The following MAP3K5 variants were observed in gnomAD, a reference collection of about 807,000 sequenced individuals.
MAP3K5 encodes the protein ASK-1.
Under a neutral mutation model 158.7 loss-of-function variants are expected in MAP3K5, and 56 were observed. The ratio of observed to expected loss-of-function variants is 0.35; its 90% confidence interval spans 0.28 to 0.44. The LOEUF (loss-of-function observed/expected upper bound fraction) is 0.44, where lower values mean the gene tolerates loss of function less well. Ranked by LOEUF, MAP3K5 falls within the 20% of genes least tolerant of loss-of-function variation. MAP3K5 has a pLI of 1.00. For synonymous variants in MAP3K5, 579 were observed against 601.7 expected, an observed-to-expected ratio of 0.96 and a Z score of 0.55; for missense variants, 1,294 against 1,674.8, an observed-to-expected ratio of 0.77 and a Z score of 3.97.
intron 14 of MAP3K5, among the ~76,000 whole-genome samples, chr6:136,634,194 C>T (rs1321919054): frequency 1.3e-5 from 2 of 151,964 alleles, no homozygotes; most frequent in East Asian, 3.9e-4. Flanking sequence ...AGAAATGTAA[C>T]CAAATATATA....
intron 1 of MAP3K5, among the ~76,000 whole-genome samples, chr6:136,744,372 C>T (rs1214485136): frequency 1.4e-5 from 2 of 147,404 alleles, no homozygotes; most frequent in African/African-American, 2.7e-5. Flanking sequence ...TGTGTACATA[C>T]ATATATACAT....
At chr6:136,608,578 C>T (rs568808083) in intron 18 of MAP3K5, among the ~76,000 whole-genome samples, 7 of 152,150 alleles carry the variant, frequency 4.6e-5, no homozygotes, top group Middle Eastern at 3.4e-3. Flanking sequence ...AAGAGTGTGC[C>T]GGGGACAGGT....
chr6:136,698,418 T>A, intron 4 of MAP3K5, 71 bp downstream of exon 4: 2 of 1,325,072 alleles, frequency 1.5e-6, no homozygotes, highest in Non-Finnish European at 2.1e-6. Context: ...GCACCTGATA[T>A]CATGCACAAA....
chr6:136,713,446 T>C (rs958020205), intron 2 of MAP3K5, among the ~76,000 whole-genome samples: 5 of 152,236 alleles, frequency 3.3e-5, no homozygotes, highest in African/African-American at 1.2e-4. Flanking sequence ...CTATTGCTAA[T>C]TGACATCCAA....
chr6:136,592,749 G>C (rs769202472), intron 21 of MAP3K5, 135 bp from the exon 22 acceptor site: 12 of 818,980 alleles, frequency 1.5e-5, no homozygotes, highest in Non-Finnish European at 2.5e-5. Flanking sequence ...GCTATGTAAG[G>C]GAACGGTCAT....
chr6:136,791,511 TACACACAGACTCTTGCACAAGC>T (rs1309808470), intron 1 of MAP3K5, among the ~76,000 whole-genome samples, 177 bp downstream of exon 1: 1 of 152,066 alleles, frequency 6.6e-6, no homozygotes, highest in Non-Finnish European at 1.5e-5. Context: ...ATCGCACAAG[TACACACAGACTCTTGCACAAGC>T]ACACACGCTC....
chr6:136,734,836 T>C (rs9784774), intron 1 of MAP3K5, among the ~76,000 whole-genome samples: 11,968 of 152,292 alleles, frequency 0.079, 1,565 homozygotes, highest in African/African-American at 0.27. Context: ...AAGATTCTTA[T>C]GGGAGCATCC....
intron 7 of MAP3K5, among the ~76,000 whole-genome samples, chr6:136,674,092 A>G (rs1420784230): frequency 6.6e-6 from 1 of 152,074 alleles, no homozygotes; most frequent in East Asian, 1.9e-4. Flanking sequence ...TGGAAGCCAG[A>G]ATACAACGTA....
chr6:136,587,889 T>C (rs1346881830), intron 23 of MAP3K5, among the ~76,000 whole-genome samples: 2 of 152,214 alleles, frequency 1.3e-5, no homozygotes, highest in Admixed American at 6.5e-5. Context: ...CAATTGAATA[T>C]GACTAACCAC....
chr6:136,601,122 T>C (rs758780371), intron 20 of MAP3K5, 80 bp from the exon 21 acceptor site: 46 of 1,357,034 alleles, frequency 3.4e-5, no homozygotes, highest in Non-Finnish European at 4.7e-5. Flanking sequence ...AAAAAATGAA[T>C]GCCTGAAATG....
chr6:136,738,780 G>C (rs1782584262), intron 1 of MAP3K5, among the ~76,000 whole-genome samples: 1 of 152,162 alleles, frequency 6.6e-6, no homozygotes. Context: ...ACTTGGAACA[G>C]ACGGCTGATG....
rs1026607138 is a variant in MAP3K5, at chr6:136,601,956, A to G, written c.2703T>C (p.Pro901=). The part of the protein sequence containing the change: ...MFKVGMFKVH[P]EIPESMSAEA... The stretch of plus-strand genomic sequence containing the variant: ...CTGCAGACATGGACTCTGGGATCTC[A>G]GGGTGGACTTTAAACATTCCCACCT... Residue 901 remains proline (P), a synonymous_variant, in exon 20 of 30, where the codon CCT becomes CCC. Coordinates refer to ENST00000359015, the MANE Select transcript of MAP3K5 (RefSeq NM_005923.4). 3.7e-6 allele frequency: 6 copies of G among 1,613,648 alleles called. No individual in the cohort carries two copies. The African/African-American group carries it at 5.3e-5, about 14-fold the overall frequency.
At chr6:136,704,458 A>G (rs1780984850) in intron 3 of MAP3K5, among the ~76,000 whole-genome samples, 1 of 152,190 alleles carries the variant, frequency 6.6e-6, no homozygotes, top group Admixed American at 6.5e-5. Context: ...ACATACACAC[A>G]TATGTGTGTG....
chr6:136,710,840 T>C (rs920987100), intron 2 of MAP3K5, among the ~76,000 whole-genome samples: 4 of 152,190 alleles, frequency 2.6e-5, no homozygotes, highest in African/African-American at 9.7e-5. Context: ...TCCATCTTTC[T>C]GTCCTAGTGG....
chr6:136,580,348 C>T lies in MAP3K5; in HGVS notation c.3470G>A (p.Ser1157Asn), dbSNP rs779633360. 2 of 1,613,716 alleles carry T rather than the reference C, an allele frequency of 1.2e-6. No individual in the cohort carries two copies. The highest frequency in any genetic ancestry group is 1.7e-6 in the Non-Finnish European group (2 of 1,179,672). ...IKPHWMFALD[S>N]IIRKAVQTAI... ...TGTCTGTACCGCCTTCCGAATGATA[C>T]TGTCTAAGGCAAACATCCAGTGCGG... Residue 1157 changes from serine to asparagine, a missense_variant, in exon 25 of 30, where the codon AGT (serine) becomes AAT (asparagine). By Grantham distance (46) the Ser-to-Asn change is conservative. Around this residue, in one of 5 missense-constraint regions of MAP3K5, gnomAD observed 362 missense variants for 463.2 expected, o/e 0.78. Coordinates refer to ENST00000359015, the MANE Select transcript of MAP3K5 (RefSeq NM_005923.4).
intron 8 of MAP3K5, among the ~76,000 whole-genome samples, chr6:136,662,732 C>G (rs73777955): frequency 0.068 from 10,288 of 152,218 alleles, 1,128 homozygotes; most frequent in African/African-American, 0.23. Flanking sequence ...TTCATCCATA[C>G]AGAAAAATTA....
intron 8 of MAP3K5, among the ~76,000 whole-genome samples, chr6:136,662,773 C>T (rs545112633): frequency 3.5e-4 from 54 of 152,238 alleles, no homozygotes; most frequent in East Asian, 2.7e-3. Flanking sequence ...TTCAGTTGTA[C>T]CTTTTTAACC....
At chr6:136,781,887 T>C (rs1169956182) in intron 1 of MAP3K5, among the ~76,000 whole-genome samples, 2 of 152,138 alleles carry the variant, frequency 1.3e-5, no homozygotes, top group Non-Finnish European at 2.9e-5. Context: ...TTTGTCACAA[T>C]GACCATATTA....
chr6:136,666,808 CA>C (rs1486319080), intron 8 of MAP3K5, among the ~76,000 whole-genome samples: 1 of 152,114 alleles, frequency 6.6e-6, no homozygotes, highest in Non-Finnish European at 1.5e-5. Flanking sequence ...ATGCATATCA[CA>C]GTATTTTAGA....
Sources: allele counts gnomAD v4.1 joint callset (sites outside exome capture counted in the v4.1 genomes callset), GRCh38; gene constraint gnomAD v4.1.1; regional missense constraint gnomAD v4.1.1; transcripts MANE v1.5; gene names NCBI Gene and HGNC (gene_info 2026-07-23, HGNC 2026-07-21).